Variants in MICAL3 observed in about 807,000 individuals in gnomAD.
MICAL3 encodes microtubule associated monooxygenase, calponin and LIM domain containing 3.
Under a neutral mutation model 207.4 loss-of-function variants are expected in MICAL3, and 62 were observed. That is an observed-to-expected ratio of 0.30 (90% CI 0.24 to 0.37). MICAL3 has a LOEUF of 0.37. Ranked by LOEUF, MICAL3 falls within the 10% of genes least tolerant of loss-of-function variation. MICAL3 has a pLI of 1.00. For synonymous variants in MICAL3, 1,077 were observed against 1,069.3 expected, an observed-to-expected ratio of 1.01 and a Z score of -0.14; for missense variants, 2,368 against 2,635.6, an observed-to-expected ratio of 0.90 and a Z score of 2.22.
intron 1 of MICAL3, chr22:18,020,323 G>C (rs111306119): frequency 3.6e-4 from 55 of 151,136 alleles, no homozygotes; most frequent in African/African-American, 1.3e-3. Flanking sequence ...ATATATTTTG[G>C]GTCAGAGATC....
intron 1 of MICAL3, among the ~76,000 whole-genome samples, chr22:17,927,240 A>G (rs552711654): frequency 6.6e-6 from 1 of 152,202 alleles, no homozygotes; most frequent in Non-Finnish European, 1.5e-5. Flanking sequence ...GTTCATCCAC[A>G]TTGTAACATA....
intron 1 of MICAL3, among the ~76,000 whole-genome samples, chr22:17,929,563 CTTTTCTTTTT>C (rs1569136469): frequency 4.2e-5 from 4 of 95,610 alleles, no homozygotes; most frequent in Admixed American, 1.0e-4. Flanking sequence ...CTTTCCTTTT[CTTTTCTTTTT>C]TTTTTTTTTT....
intron 1 of MICAL3, among the ~76,000 whole-genome samples, chr22:17,997,762 TGATAA>T (rs1421576671): frequency 6.6e-6 from 1 of 152,182 alleles, no homozygotes; most frequent in Non-Finnish European, 1.5e-5. Flanking sequence ...AAACTGGGGA[TGATAA>T]GTTCTACCTT....
intron 17 of MICAL3, among the ~76,000 whole-genome samples, chr22:17,868,959 G>A (rs1460736775): frequency 6.6e-6 from 1 of 152,176 alleles, no homozygotes; most frequent in Non-Finnish European, 1.5e-5. Context: ...CGGTGCCTGG[G>A]CAGCTGCCTT....
At chr22:17,959,575 A>C (rs1934800814) in intron 1 of MICAL3, among the ~76,000 whole-genome samples, 1 of 152,166 alleles carries the variant, frequency 6.6e-6, no homozygotes, top group Non-Finnish European at 1.5e-5. Context: ...TTAGCCTCCC[A>C]AAGTGCTGGG....
chr22:17,910,372 A>C (rs1299528410), intron 1 of MICAL3, among the ~76,000 whole-genome samples: 1 of 152,154 alleles, frequency 6.6e-6, no homozygotes, highest in Non-Finnish European at 1.5e-5. Flanking sequence ...AGAATTTCCA[A>C]ATCAAACCCC....
intron 1 of MICAL3, among the ~76,000 whole-genome samples, chr22:17,930,270 C>T (rs2146316281): frequency 6.6e-6 from 1 of 152,332 alleles, no homozygotes. Flanking sequence ...GCTACATACA[C>T]ATCTACCCTA....
At chr22:17,966,761 A>G (rs914443112) in intron 1 of MICAL3, among the ~76,000 whole-genome samples, 5 of 152,376 alleles carry the variant, frequency 3.3e-5, no homozygotes, top group Middle Eastern at 3.4e-3. Context: ...AAAATGGTCC[A>G]TGAGTAATTA....
intron 1 of MICAL3, among the ~76,000 whole-genome samples, chr22:17,990,490 G>A (rs1281688207): frequency 7.2e-5 from 11 of 152,286 alleles, no homozygotes; most frequent in Middle Eastern, 3.4e-3. Flanking sequence ...CTAAATGCTT[G>A]TGACCATACA....
At chr22:17,861,563 C>T in intron 19 of MICAL3, 1 of 985,390 alleles carries the variant, frequency 1.0e-6, no homozygotes, top group Non-Finnish European at 1.2e-6. Flanking sequence ...TTCAAGAAAC[C>T]TGTAACTAAA....
chr22:17,876,765 AGGGAAG>A (rs1569108948), intron 16 of MICAL3: 8 of 145,600 alleles, frequency 5.5e-5, no homozygotes, highest in Non-Finnish European at 1.0e-4. Context: ...TAAGGAGGTT[AGGGAAG>A]TTATGGAGGT....
At chr22:17,808,406 C>G (rs1412319863) in intron 29 of MICAL3, among the ~76,000 whole-genome samples, 1 of 152,166 alleles carries the variant, frequency 6.6e-6, no homozygotes, top group Non-Finnish European at 1.5e-5. Context: ...GTTGAGGGCT[C>G]TGTGGGCAGG....
chr22:17,940,661 T>G, intron 1 of MICAL3, among the ~76,000 whole-genome samples: 1 of 151,562 alleles, frequency 6.6e-6, no homozygotes, highest in East Asian at 1.9e-4. Flanking sequence ...CAAGAATATA[T>G]CATAAAAACA....
In MICAL3 at chr22:17,801,309, C is replaced by G. The variant is rs973343704; in HGVS notation, c.5650+7535G>C. Reference sequence around the variant, plus strand: ...CCGGGACTACAGGCGCCCGCCACTACGCCCGGCTAATTTTTTTGTATTTTT... The same window carrying G: ...CCGGGACTACAGGCGCCCGCCACTAGGCCCGGCTAATTTTTTTGTATTTTT... On this transcript the variant is annotated intron_variant, in intron 29 of 31. Coordinates refer to ENST00000441493, the MANE Select transcript of MICAL3 (RefSeq NM_015241.3). Among the ~76,000 whole-genome samples the G allele has an allele frequency of 1.9e-5, 2 of 105,104 alleles. 1 individual carries two copies. Among genetic ancestry groups the G allele is most frequent in the Non-Finnish European group, 3.5e-5 (2 of 56,868 alleles). The allele number at this position is 105,104 out of a possible 152,430, so 69.0% of individuals were successfully genotyped here.
intron 1 of MICAL3, among the ~76,000 whole-genome samples, chr22:17,948,250 C>T (rs1026925740): frequency 3.9e-5 from 6 of 152,228 alleles, no homozygotes; most frequent in Admixed American, 6.5e-5. Context: ...CAGGAGGATG[C>T]GCAAGAGCTG....
At chr22:18,008,607 T>C (rs1923550096) in intron 1 of MICAL3, among the ~76,000 whole-genome samples, 1 of 152,226 alleles carries the variant, frequency 6.6e-6, no homozygotes, top group Admixed American at 6.5e-5. Context: ...TAATCTTCTG[T>C]AGAAAAGCTA....
rs747231443 is a variant in MICAL3, at chr22:17,818,445, A to AC, written c.4215dup (p.Ser1406ValfsTer119). The AC allele has an allele frequency of 6.2e-7, 1 of 1,612,640 alleles. No individual in the cohort carries two copies. Among genetic ancestry groups the AC allele is most frequent in the African/African-American group, 1.3e-5 (1 of 74,896 alleles). On this transcript the variant is annotated frameshift_variant, in exon 26 of 32. Coordinates refer to ENST00000441493, the MANE Select transcript of MICAL3 (RefSeq NM_015241.3). LOFTEE classifies it high-confidence loss of function. ...CTGCGTAGCTCTCTGTCGGACGGGG[A>AC]CCGGGGGGTTGGCAGGGACAACGGC...
In MICAL3 at chr22:17,990,174, C is replaced by G. The variant is rs374822972; in HGVS notation, c.-75+34107G>C. Among the ~76,000 whole-genome samples the G allele has an allele frequency of 3.5e-4, 54 of 152,228 alleles. No homozygotes were observed. In the South Asian group the frequency reaches 0.011, roughly 30 times the overall value. On this transcript the variant is annotated intron_variant, in intron 1 of 31. Transcript: ENST00000441493. ...GCTAGAGAGCAGGCTTTTGCAGATG[C>G]TTTCATATTGATGAGAAAGGCAGTT...
intron 10 of MICAL3, 48 bp downstream of exon 10, chr22:17,895,236 T>C (rs2034113): frequency 0.39 from 617,388 of 1,594,936 alleles, 126,434 homozygotes; most frequent in African/African-American, 0.73. Flanking sequence ...GAATTCTCAT[T>C]GGTCCTGCAG....
Sources: gnomAD v4.1 joint callset for allele counts (sites outside exome capture counted in the v4.1 genomes callset) on GRCh38, gnomAD v4.1.1 for gene constraint, MANE v1.5 for transcripts, NCBI Gene and HGNC (gene_info 2026-07-23, HGNC 2026-07-21) for gene names.